The following PRKAR2B variants were observed in gnomAD, a reference collection of about 807,000 sequenced individuals.
The protein encoded by PRKAR2B is cAMP-dependent protein kinase type II-beta regulatory subunit.
Under a neutral mutation model 49.9 loss-of-function variants are expected in PRKAR2B, and 14 were observed. The observed-to-expected ratio is 0.28, with a 90% CI of 0.19 to 0.44. PRKAR2B has a LOEUF of 0.44. Among genes scored for constraint, PRKAR2B ranks in the 20% least tolerant of loss-of-function variants. The pLI, the probability that PRKAR2B is intolerant of heterozygous loss-of-function variation, is 1.00. For missense variants in PRKAR2B, 393 were observed against 537.9 expected (o/e 0.73, Z 2.67); for synonymous variants, 196 against 197.7 (o/e 0.99, Z 0.07).
intron 5 of PRKAR2B, among the ~76,000 whole-genome samples, chr7:107,144,782 G>A (rs1442953538): frequency 1.7e-5 from 2 of 119,394 alleles, no homozygotes; most frequent in Non-Finnish European, 3.3e-5. Flanking sequence ...AATGTTAAAA[G>A]CCACTTTTTT....
chr7:107,156,488 T>A (rs1163787061), intron 8 of PRKAR2B, among the ~76,000 whole-genome samples: 1 of 151,918 alleles, frequency 6.6e-6, no homozygotes, highest in Non-Finnish European at 1.5e-5. Flanking sequence ...ATGAAATCAT[T>A]ACTACATAAT....
In PRKAR2B at chr7:107,161,485, G is replaced by T. The variant is rs758530446; in HGVS notation, c.*1903G>T. The T allele has an allele frequency of 3.9e-5, 6 of 152,544 alleles. No individual in the cohort carries two copies. Among genetic ancestry groups the T allele is most frequent in the Non-Finnish European group, 7.4e-5 (5 of 68,004 alleles). 9.4% of individuals were successfully genotyped at this position (152,544 alleles called of 1,614,324 possible). On this transcript the variant is annotated 3_prime_UTR_variant, in exon 11 of 11. Transcript: ENST00000265717. Reference sequence around the variant, plus strand: ...ATATTTAAATTTTCCTTACAATAAAGCACACTTTTATAATAAAATACATGA... The same window carrying T: ...ATATTTAAATTTTCCTTACAATAAATCACACTTTTATAATAAAATACATGA...
At chr7:107,055,344 G>T (rs1249166696) in intron 1 of PRKAR2B, among the ~76,000 whole-genome samples, 1 of 152,108 alleles carries the variant, frequency 6.6e-6, no homozygotes, top group South Asian at 2.1e-4. Context: ...GGGATGGCTG[G>T]GTCAAATGGT....
chr7:107,146,796 G>A (rs1011724291), intron 6 of PRKAR2B, among the ~76,000 whole-genome samples: 11 of 152,270 alleles, frequency 7.2e-5, no homozygotes, highest in African/African-American at 2.6e-4. Context: ...AGCTTTCTGA[G>A]GTAAGTATTA....
chr7:107,106,777 A>G (rs902498745), intron 2 of PRKAR2B, among the ~76,000 whole-genome samples: 3 of 151,348 alleles, frequency 2.0e-5, no homozygotes, highest in African/African-American at 7.3e-5. Flanking sequence ...ACCTGGCAGG[A>G]CCCCCCTCAG....
chr7:107,146,068 T>G (rs1795888278), intron 5 of PRKAR2B, among the ~76,000 whole-genome samples: 1 of 152,016 alleles, frequency 6.6e-6, no homozygotes, highest in African/African-American at 2.4e-5. Flanking sequence ...TACTATTTGG[T>G]TGTAGTCTTT....
intron 6 of PRKAR2B, among the ~76,000 whole-genome samples, chr7:107,150,587 AG>A (rs1260302004): frequency 4.7e-4 from 2 of 4,284 alleles, no homozygotes; most frequent in East Asian, 0.036. Context: ...GTAAAAGAAC[AG>A]AGTGCTAGTA....
chr7:107,117,545 G>A lies in PRKAR2B; in HGVS notation c.344-4407G>A, dbSNP rs188930436. 1.5e-3 allele frequency among the ~76,000 whole-genome samples: 230 copies of A among 152,280 alleles called. 3 individuals carry two copies. The highest frequency in any genetic ancestry group is 5.8e-4 in the East Asian group (3 of 5,192). The stretch of plus-strand genomic sequence containing the variant: ...GAGTGTGCAAGACTCTGCCAGAGCT[G>A]AGGACCCAGTGAATCGTGGAGTTCA... On this transcript the variant is annotated intron_variant, in intron 2 of 10. Transcript: ENST00000265717.
chr7:107,143,958 T>C (rs769023242), intron 5 of PRKAR2B, among the ~76,000 whole-genome samples: 7 of 152,190 alleles, frequency 4.6e-5, no homozygotes, highest in Admixed American at 4.6e-4. Context: ...AAACTAACCC[T>C]GTACTTGAAA....
chr7:107,063,630 C>T (rs957048051), intron 1 of PRKAR2B, among the ~76,000 whole-genome samples: 9 of 152,262 alleles, frequency 5.9e-5, no homozygotes, highest in African/African-American at 1.7e-4. Context: ...ACTGGAATGG[C>T]AGGAATATCT....
intron 2 of PRKAR2B, among the ~76,000 whole-genome samples, chr7:107,089,877 C>T (rs1188273554): frequency 3.9e-5 from 6 of 152,206 alleles, no homozygotes; most frequent in Non-Finnish European, 8.8e-5. Flanking sequence ...AGTTATGTAT[C>T]ACCCATTTTG....
intron 1 of PRKAR2B, among the ~76,000 whole-genome samples, chr7:107,065,338 G>C (rs199617995): frequency 2.8e-5 from 3 of 105,630 alleles, no homozygotes; most frequent in Non-Finnish European, 6.5e-5. Flanking sequence ...GTGTGTGTGT[G>C]TGTGTGTGTG....
intron 2 of PRKAR2B, among the ~76,000 whole-genome samples, chr7:107,078,502 C>T (rs1794452098): frequency 6.6e-6 from 1 of 152,116 alleles, no homozygotes; most frequent in African/African-American, 2.4e-5. Flanking sequence ...TTTAGGGGGC[C>T]TCCAAGTCAC....
chr7:107,049,315 A>G (rs761171865), intron 1 of PRKAR2B, among the ~76,000 whole-genome samples: 10 of 152,260 alleles, frequency 6.6e-5, no homozygotes, highest in Non-Finnish European at 1.5e-4. Context: ...TAGAAAATAA[A>G]GAGCTGATTT....
At chr7:107,151,057 C>A in intron 7 of PRKAR2B, 34 bp downstream of exon 7, 1 of 1,282,092 alleles carries the variant, frequency 7.8e-7, no homozygotes, top group Non-Finnish European at 1.1e-6. Context: ...TTTTATTTTG[C>A]TTTAAAAGTT....
In PRKAR2B at chr7:107,132,377, G is replaced by C. The variant is rs1227938674; in HGVS notation, c.480+4082G>C. ...GCACAGCTGAAGAGTTTTAGTCAGA[G>C]AATGTAACTATCAGATTTATCTAAG... On this transcript the variant is annotated intron_variant, in intron 4 of 10. Transcript: ENST00000265717. Among the ~76,000 whole-genome samples the C allele has an allele frequency of 2.6e-5, 4 of 152,186 alleles. No individual in the cohort carries two copies. The East Asian group carries it at 7.7e-4, about 29-fold the overall frequency.
At chr7:107,068,916 C>G (rs181208894) in intron 1 of PRKAR2B, 1 of 152,052 alleles carries the variant, frequency 6.6e-6, no homozygotes, top group Non-Finnish European at 1.5e-5. Flanking sequence ...AAAATGTACT[C>G]ATCAGTTGTT....
At chr7:107,156,817 A>C (rs564004423) in intron 8 of PRKAR2B, among the ~76,000 whole-genome samples, 167 bp from the exon 9 acceptor site, 9 of 152,206 alleles carry the variant, frequency 5.9e-5, no homozygotes, top group South Asian at 2.1e-4. Flanking sequence ...AAAAAAAAAA[A>C]AACCTCTTGA....
intron 1 of PRKAR2B, among the ~76,000 whole-genome samples, chr7:107,056,140 G>A (rs1333852732): frequency 5.9e-5 from 9 of 152,034 alleles, no homozygotes; most frequent in Non-Finnish European, 8.8e-5. Context: ...ATGCGGCATT[G>A]TTTCTGAGGG....
Sources: gnomAD v4.1 joint callset for allele counts (sites outside exome capture counted in the v4.1 genomes callset) on GRCh38, gnomAD v4.1.1 for gene constraint, MANE v1.5 for transcripts, NCBI Gene and HGNC (gene_info 2026-07-23, HGNC 2026-07-21) for gene names.